The following SLC5A1 variants were observed in gnomAD, a reference collection of about 807,000 sequenced individuals.
SLC5A1 encodes the protein sodium/glucose cotransporter 1.
SLC5A1 carries 42 observed loss-of-function variants against 73.5 expected under a neutral mutation model. The ratio of observed to expected loss-of-function variants is 0.57; its 90% CI spans 0.45 to 0.74. The LOEUF is 0.74. SLC5A1 is among the 30% of genes least tolerant of loss of function. The pLI is 0.00. For synonymous variants in SLC5A1, 300 were observed against 317.4 expected (o/e 0.95, Z 0.58); for missense variants, 634 against 855.4 (o/e 0.74, Z 3.23).
At chr22:32,060,850 C>T (rs1313771117) in intron 2 of SLC5A1, among the ~76,000 whole-genome samples, 1 of 152,098 alleles carries the variant, frequency 6.6e-6, no homozygotes, top group Non-Finnish European at 1.5e-5. Context: ...TATTGCAGGC[C>T]TGAGACACCA....
rs532222020 is a variant in SLC5A1, at chr22:32,104,840, G to T, written c.1720G>T (p.Asp574Tyr). ...RNSKEERIDL[D>Y]AEEENIQEGP... ...CAGCAAAGAGGAGCGTATTGACCTG[G>T]ATGCGGAAGAGGAGAACATCCAAGA... The change falls in exon 14 of 15, where the codon GAT (aspartate) becomes TAT (tyrosine). Residue 574 changes from aspartate (D) to tyrosine (Y), a missense_variant. Asp to Tyr is a radical substitution (Grantham distance 160). Transcript: ENST00000266088. The T allele has an allele frequency of 6.2e-7, 1 of 1,614,164 alleles. No homozygotes were observed. The highest frequency in any genetic ancestry group is 8.5e-7 in the Non-Finnish European group (1 of 1,180,042).
In SLC5A1 at chr22:32,060,403, A is replaced by G. The variant is rs1056202913; in HGVS notation, c.208-6532A>G. ...GAGATGGGGTTTCACCATGTTGACC[A>G]TATCTGGTCTTGAACTCCTGACCTT... On this transcript the variant is annotated intron_variant, in intron 2 of 14. Coordinates refer to ENST00000266088, the MANE Select transcript of SLC5A1 (RefSeq NM_000343.4). Among the ~76,000 whole-genome samples, 5 of 152,048 alleles carry G rather than the reference A, an allele frequency of 3.3e-5. No individual in the cohort carries two copies. In the South Asian group the frequency reaches 6.2e-4, roughly 19 times the overall value.
chr22:32,083,114 G>A lies in SLC5A1; in HGVS notation c.624G>A (p.Thr208=), dbSNP rs144581584. 363 of 1,614,202 alleles carry A rather than the reference G, an allele frequency of 2.2e-4. 1 individual carries two copies. In the East Asian group the frequency reaches 4.9e-3, roughly 22 times the overall value. ...AAVIYTDTLQ[T]VIMLVGSLIL... The stretch of plus-strand genomic sequence containing the variant: ...TGATTTACACGGACACCTTGCAGAC[G>A]GTGATCATGCTGGTGGGGTCTTTAA... The change falls in exon 7 of 15, where the codon ACG becomes ACA. Residue 208 remains threonine (T), a synonymous_variant. Transcript: ENST00000266088.
At chr22:32,060,320 T>C (rs1325779291) in intron 2 of SLC5A1, among the ~76,000 whole-genome samples, 1 of 152,002 alleles carries the variant, frequency 6.6e-6, no homozygotes, top group African/African-American at 2.4e-5. Context: ...GCCTCCCGAG[T>C]AGCTGGAATT....
chr22:32,098,795 C>T (rs2094030555), intron 11 of SLC5A1, among the ~76,000 whole-genome samples: 1 of 151,940 alleles, frequency 6.6e-6, no homozygotes, highest in Non-Finnish European at 1.5e-5. Context: ...GCAATATATA[C>T]TCATGTAGAG....
At position 32,110,409 on chromosome 22, in the gene SLC5A1, T is replaced by C. The variant is rs199687496; in HGVS notation, c.*196T>C. ...ATTTATGCATTTGAAGCCAGTGTGA[T>C]ACAGCCATCTGTACCTACTGGAGCT... On this transcript the variant is annotated 3_prime_UTR_variant, in exon 15 of 15. Transcript: ENST00000266088. 2.4e-5 allele frequency: 15 copies of C among 636,194 alleles called. No homozygotes were observed. The East Asian group carries it at 2.8e-4, about 12-fold the overall frequency. 39.4% of individuals were successfully genotyped at this position (636,194 alleles called of 1,614,324 possible). A position where few individuals can be genotyped will look rare whatever the true frequency, so the allele number is the denominator to read the frequency against.
intron 2 of SLC5A1, chr22:32,059,353 T>C (rs1368277806): frequency 2.0e-6 from 2 of 985,194 alleles, no homozygotes; most frequent in East Asian, 2.3e-4. Flanking sequence ...AGGTAAGAGA[T>C]TGGAGGATGG....
chr22:32,055,154 T>A (rs1420448944), intron 2 of SLC5A1, among the ~76,000 whole-genome samples: 1 of 152,206 alleles, frequency 6.6e-6, no homozygotes, highest in African/African-American at 2.4e-5. Flanking sequence ...GTCAGTGGTT[T>A]CCTGATTTCT....
intron 10 of SLC5A1, among the ~76,000 whole-genome samples, chr22:32,087,216 C>T (rs1344664182): frequency 6.6e-6 from 1 of 152,114 alleles, no homozygotes; most frequent in Non-Finnish European, 1.5e-5. Flanking sequence ...GTATTGTATA[C>T]TTGAAAATTG....
At position 32,112,938 on chromosome 22, in the gene SLC5A1, CA is replaced by C. The variant is rs1314878645; in HGVS notation, c.*2727del. The C allele has an allele frequency of 3.9e-5, 6 of 152,078 alleles. No homozygotes were observed. Among genetic ancestry groups the C allele is most frequent in the African/African-American group, 1.4e-4 (6 of 41,462 alleles). 9.4% of individuals were successfully genotyped at this position (152,078 alleles called of 1,614,324 possible). A position where few individuals can be genotyped will look rare whatever the true frequency, so the allele number is the denominator to read the frequency against. On this transcript the variant is annotated 3_prime_UTR_variant, in exon 15 of 15. Transcript: ENST00000266088. Reference sequence around the variant, plus strand: ...TAATTACCTTAATTTAGTCATTTCACAATATGTACATATATAAAAATATGTT... The same window carrying C: ...TAATTACCTTAATTTAGTCATTTCACATATGTACATATATAAAAATATGTT...
rs770305399 is a variant in SLC5A1, at chr22:32,085,001, G to T, written c.987G>T (p.Val329=). 1 of 1,614,162 alleles carries T rather than the reference G, an allele frequency of 6.2e-7. No homozygotes were observed. Residue 329 remains valine (V), a synonymous_variant, in exon 9 of 15, where the codon GTG becomes GTT. Coordinates refer to ENST00000266088, the MANE Select transcript of SLC5A1 (RefSeq NM_000343.4). ...YLKLMPMFIM[V]MPGMISRILY... ...AGCTGATGCCCATGTTCATCATGGT[G>T]ATGCCAGGAATGATCAGCCGCATTC...
chr22:32,068,166 C>T, intron 4 of SLC5A1, 140 bp downstream of exon 4: 1 of 880,102 alleles, frequency 1.1e-6, no homozygotes, highest in Non-Finnish European at 1.9e-6. Flanking sequence ...TTATGAAATT[C>T]CCGACTGTCT....
chr22:32,072,276 G>A (rs755767124), intron 5 of SLC5A1, among the ~76,000 whole-genome samples: 11 of 152,066 alleles, frequency 7.2e-5, no homozygotes, highest in Admixed American at 2.0e-4. Context: ...TGTGTACTCA[G>A]TGTTTAGGTC....
chr22:32,081,811 C>A (rs957643431), intron 5 of SLC5A1, 55 bp from the exon 6 acceptor site: 141 of 1,048,182 alleles, frequency 1.3e-4, no homozygotes, highest in Middle Eastern at 4.1e-4. Context: ...AGACTACAGG[C>A]CCTGTAGGCA....
chr22:32,110,602 C>T lies in SLC5A1; in HGVS notation c.*389C>T. On this transcript the variant is annotated 3_prime_UTR_variant, in exon 15 of 15. Transcript: ENST00000266088. ...ACTTTGGTCTCCCTGGTTCCTGCCA[C>T]TTTTCCTGTCCGTCCTCCTCCCCAT... 6.9e-6 allele frequency: 2 copies of T among 291,758 alleles called. No individual in the cohort carries two copies. Among genetic ancestry groups the T allele is most frequent in the Non-Finnish European group, 1.3e-5 (2 of 151,572 alleles). The allele number at this position is 291,758 out of a possible 1,614,324, so 18.1% of individuals were successfully genotyped here.
At position 32,110,495 on chromosome 22, in the gene SLC5A1, GTGAT is replaced by G. The variant is rs2094054641; in HGVS notation, c.*287_*290del. ...AGGCAGACTAAGAATCAGAAGCCAT[GTGAT>G]TGATGTCTGACGTGAGTCTGTCTCA... On this transcript the variant is annotated 3_prime_UTR_variant, in exon 15 of 15. Coordinates refer to ENST00000266088, the MANE Select transcript of SLC5A1 (RefSeq NM_000343.4). 2 of 490,022 alleles carry G rather than the reference GTGAT, an allele frequency of 4.1e-6. No homozygotes were observed. Among genetic ancestry groups the G allele is most frequent in the Non-Finnish European group, 7.5e-6 (2 of 267,338 alleles). 30.4% of individuals were successfully genotyped at this position (490,022 alleles called of 1,614,324 possible). A position where few individuals can be genotyped will look rare whatever the true frequency, so the allele number is the denominator to read the frequency against.
chr22:32,053,460 C>G (rs747238948), intron 2 of SLC5A1, among the ~76,000 whole-genome samples: 10 of 151,910 alleles, frequency 6.6e-5, no homozygotes, highest in Non-Finnish European at 1.3e-4. Flanking sequence ...ACTTCCCTCC[C>G]ATTCTTCATA....
chr22:32,072,484 T>A (rs2093984257), intron 5 of SLC5A1, among the ~76,000 whole-genome samples: 1 of 152,216 alleles, frequency 6.6e-6, no homozygotes, highest in Non-Finnish European at 1.5e-5. Context: ...TAGGTTGATT[T>A]CATATCTTTA....
At position 32,102,236 on chromosome 22, in the gene SLC5A1, A is replaced by C. The variant is rs548440082; in HGVS notation, c.1664A>C (p.His555Pro). Residue 555 changes from histidine (H) to proline (P), a missense_variant and splice_region_variant, in exon 13 of 15, where the codon CAT becomes CCT. His to Pro is a moderately conservative substitution (Grantham distance 77). Coordinates refer to ENST00000266088, the MANE Select transcript of SLC5A1 (RefSeq NM_000343.4). The part of the protein sequence containing the change: ...SLLTKPIPDV[H>P]LYRLCWSLRN... ...CTCACCAAACCCATTCCGGATGTGC[A>C]TGTGAGTATCCATTTAGGGGATCTG... 6.2e-7 allele frequency: 1 copy of C among 1,608,180 alleles called. No homozygotes were observed. The highest frequency in any genetic ancestry group is 1.3e-5 in the African/African-American group (1 of 74,922).
Sources: gnomAD v4.1 joint callset for allele counts (sites outside exome capture counted in the v4.1 genomes callset) on GRCh38, gnomAD v4.1.1 for gene constraint, MANE v1.5 for transcripts, NCBI Gene and HGNC (gene_info 2026-07-23, HGNC 2026-07-21) for gene names.